The following CDH13 variants were observed in gnomAD, a reference collection of about 807,000 sequenced individuals.
CDH13 encodes cadherin 13, also known as cadherin-13.
CDH13 carries 24 observed loss-of-function variants against 63.8 expected under a neutral mutation model. That is an observed-to-expected ratio of 0.38 (90% confidence interval 0.27 to 0.53). CDH13 has a LOEUF of 0.53. Ranked by LOEUF, CDH13 falls within the 20% of genes least tolerant of loss-of-function variation. CDH13 has a pLI of 0.85. For synonymous variants in CDH13, 503 were observed against 355.3 expected (o/e 1.42, Z -4.67); for missense variants, 1,049 against 903.1 (o/e 1.16, Z -2.07).
chr16:83,531,614 A>G (rs2151633408), intron 7 of CDH13, among the ~76,000 whole-genome samples: 1 of 152,306 alleles, frequency 6.6e-6, no homozygotes, highest in East Asian at 1.9e-4. Context: ...CCCTAAATGT[A>G]ATTACAAATG....
chr16:83,681,180 G>A (rs544021994), intron 10 of CDH13, among the ~76,000 whole-genome samples: 8 of 152,118 alleles, frequency 5.3e-5, no homozygotes, highest in South Asian at 2.1e-4. Flanking sequence ...CTGCAGGGGC[G>A]GCTACCCGAG....
At chr16:83,587,889 G>C (rs895579223) in intron 7 of CDH13, among the ~76,000 whole-genome samples, 1 of 152,004 alleles carries the variant, frequency 6.6e-6, no homozygotes, top group African/African-American at 2.4e-5. Context: ...AGGGTCATTG[G>C]AGCCAGCCCC....
chr16:82,631,239 A>G (rs78953657), intron 1 of CDH13, among the ~76,000 whole-genome samples: 1 of 152,222 alleles, frequency 6.6e-6, no homozygotes, highest in East Asian at 1.9e-4. Flanking sequence ...TAGACGGTGC[A>G]ATACGCAATG....
At chr16:83,256,610 T>G (rs1248815048) in intron 5 of CDH13, among the ~76,000 whole-genome samples, 1 of 145,242 alleles carries the variant, frequency 6.9e-6, no homozygotes, top group African/African-American at 2.6e-5. Context: ...GGCGGGCGAA[T>G]CACGAGGTCA....
chr16:83,143,069 G>A (rs966837376), intron 4 of CDH13, among the ~76,000 whole-genome samples: 11 of 152,122 alleles, frequency 7.2e-5, no homozygotes, highest in East Asian at 1.9e-4. Context: ...GTGCCGTTGC[G>A]CTCCAGCCTG....
chr16:83,514,348 C>T (rs79186960), intron 7 of CDH13, among the ~76,000 whole-genome samples: 3,915 of 152,214 alleles, frequency 0.026, 165 homozygotes, highest in African/African-American at 0.09. Context: ...GGAGTATCCT[C>T]ATAAGAAGAG....
intron 5 of CDH13, among the ~76,000 whole-genome samples, chr16:83,338,855 A>G (rs1229132690): frequency 1.3e-5 from 2 of 152,218 alleles, no homozygotes; most frequent in Non-Finnish European, 2.9e-5. Context: ...GAGTGTGAGG[A>G]AGTGGGCTGT....
intron 6 of CDH13, chr16:83,383,221 A>G (rs149820978): frequency 2.0e-5 from 3 of 152,302 alleles, no homozygotes; most frequent in African/African-American, 7.2e-5. Context: ...AAACCACAGA[A>G]ATGATGCCAT....
chr16:83,244,114 C>CT (rs1904748927), intron 5 of CDH13, among the ~76,000 whole-genome samples: 1 of 151,914 alleles, frequency 6.6e-6, no homozygotes, highest in African/African-American at 2.4e-5. Flanking sequence ...AGTGACCCCT[C>CT]TTTTTTTCAG....
At chr16:83,512,456 G>A (rs1208527908) in intron 7 of CDH13, among the ~76,000 whole-genome samples, 6 of 150,978 alleles carry the variant, frequency 4.0e-5, no homozygotes, top group Non-Finnish European at 7.4e-5. Flanking sequence ...GGATCACGAG[G>A]TCAGGAGTTT....
At chr16:82,886,226 G>T (rs555318271) in intron 2 of CDH13, among the ~76,000 whole-genome samples, 2 of 152,250 alleles carry the variant, frequency 1.3e-5, no homozygotes, top group African/African-American at 4.8e-5. Flanking sequence ...TAATAATGCT[G>T]CAGTGAACAT....
intron 3 of CDH13, among the ~76,000 whole-genome samples, chr16:83,053,763 C>A (rs541187678): frequency 6.6e-6 from 1 of 152,218 alleles, no homozygotes; most frequent in African/African-American, 2.4e-5. Context: ...AACTATACAG[C>A]AGGCAGATAT....
chr16:83,094,056 C>A (rs944283360), intron 3 of CDH13, among the ~76,000 whole-genome samples: 1 of 152,120 alleles, frequency 6.6e-6, no homozygotes, highest in Non-Finnish European at 1.5e-5. Context: ...TTTTTAAGAG[C>A]AGGGTGACAT....
At chr16:83,743,426 A>T (rs1469809386) in intron 10 of CDH13, among the ~76,000 whole-genome samples, 1 of 152,200 alleles carries the variant, frequency 6.6e-6, no homozygotes, top group Non-Finnish European at 1.5e-5. Context: ...CTCCGAGTTC[A>T]TGTCTCTAAG....
rs528835560 is a variant in CDH13 at position 83,174,044 on chromosome 16, T to C, written c.484-43301T>C. ...ACTCGAGGGAAAGGAGAGGGACTTATGGGGAACAGATGCAGATAAAACCCA... is the reference window on the plus strand; with the variant it reads ...ACTCGAGGGAAAGGAGAGGGACTTACGGGGAACAGATGCAGATAAAACCCA... On this transcript the variant is annotated intron_variant, in intron 4 of 13. Coordinates refer to ENST00000567109, the MANE Select transcript of CDH13 (RefSeq NM_001257.5). Among the ~76,000 whole-genome samples, 10 of 151,568 alleles carry C rather than the reference T, an allele frequency of 6.6e-5. No homozygotes were observed. The South Asian group carries it at 1.9e-3, about 28-fold the overall frequency.
intron 5 of CDH13, among the ~76,000 whole-genome samples, chr16:83,224,397 G>A (rs10871446): frequency 0.98 from 149,677 of 152,304 alleles, 73,612 homozygotes; most frequent in East Asian, 1. Flanking sequence ...GTGCAGTTTT[G>A]TTCCAAGTGA....
At chr16:82,658,438 C>T (rs910201709) in intron 1 of CDH13, among the ~76,000 whole-genome samples, 3 of 152,092 alleles carry the variant, frequency 2.0e-5, no homozygotes, top group African/African-American at 7.2e-5. Context: ...GTGATAAATC[C>T]CATCATGGTT....
At chr16:83,093,940 C>T (rs78490483) in intron 3 of CDH13, among the ~76,000 whole-genome samples, 10,087 of 152,112 alleles carry the variant, frequency 0.066, 536 homozygotes, top group African/African-American at 0.14. Flanking sequence ...GTTAAGCAAG[C>T]GAGTAATAGC....
chr16:83,669,796 T>C (rs1404297596), intron 8 of CDH13, among the ~76,000 whole-genome samples: 2 of 152,224 alleles, frequency 1.3e-5, no homozygotes, highest in African/African-American at 4.8e-5. Context: ...CTAGATTCAC[T>C]TTCCTACTAA....
Sources: gnomAD v4.1 joint callset for allele counts (sites outside exome capture counted in the v4.1 genomes callset) on GRCh38, gnomAD v4.1.1 for gene constraint, MANE v1.5 for transcripts, NCBI Gene and HGNC (gene_info 2026-07-23, HGNC 2026-07-21) for gene names.